NXN: variants seen among roughly 807,000 people sequenced by gnomAD.
The protein encoded by NXN is nucleoredoxin 1.
A neutral mutation model predicts 48.6 loss-of-function variants in NXN; 16 were observed. The ratio of observed to expected loss-of-function variants is 0.33; its 90% CI spans 0.22 to 0.50. The LOEUF is 0.50. NXN is among the 20% of genes least tolerant of loss of function. The pLI is 0.98. For missense variants in NXN, 492 were observed against 605.5 expected, an observed-to-expected ratio of 0.81 and a Z score of 1.97; for synonymous variants, 281 against 269.6, an observed-to-expected ratio of 1.04 and a Z score of -0.41.
chr17:839,116 G>A (rs1206296382), intron 1 of NXN, among the ~76,000 whole-genome samples: 3 of 152,150 alleles, frequency 2.0e-5, no homozygotes, highest in African/African-American at 4.8e-5. Flanking sequence ...ATGCACGTGC[G>A]GTGCTGACAA....
At chr17:893,843 ATCTC>A (rs2144876661) in intron 1 of NXN, among the ~76,000 whole-genome samples, 3 of 44,894 alleles carry the variant, frequency 6.7e-5, no homozygotes, top group Non-Finnish European at 1.1e-4. Context: ...CAGAGGAAGC[ATCTC>A]AACTCCCTGG....
chr17:948,681 G>C (rs1352189093), intron 1 of NXN, among the ~76,000 whole-genome samples: 1 of 151,976 alleles, frequency 6.6e-6, no homozygotes, highest in Non-Finnish European at 1.5e-5. Flanking sequence ...ACCTAAGACA[G>C]CTGGGTCCCA....
chr17:947,246 C>T (rs2069053679), intron 1 of NXN, among the ~76,000 whole-genome samples: 2 of 152,130 alleles, frequency 1.3e-5, no homozygotes, highest in South Asian at 4.1e-4. Flanking sequence ...AGGTCACAAG[C>T]GTGACGGGGA....
intron 1 of NXN, among the ~76,000 whole-genome samples, chr17:925,812 G>A (rs1163748912): frequency 6.6e-6 from 1 of 152,154 alleles, no homozygotes; most frequent in Admixed American, 6.6e-5. Flanking sequence ...CTGCTAAAAT[G>A]CTCACGAACG....
At chr17:863,028 G>GTA (rs1258955752) in intron 1 of NXN, among the ~76,000 whole-genome samples, 6 of 152,144 alleles carry the variant, frequency 3.9e-5, no homozygotes, top group Non-Finnish European at 8.8e-5. Flanking sequence ...ATGCCCCACA[G>GTA]TATACTCAGG....
Position 826,004 on chromosome 17 carries a change from A to C in NXN, c.435T>G (p.Val145=). The change falls in exon 2 of 8, where the codon GTT becomes GTG. Residue 145 remains valine (V), a synonymous_variant. Transcript: ENST00000336868. The part of the protein sequence containing the change: ...LIFLDATTGK[V]VCRNGLLVIR... ...TCACCAGCAGCCCGTTCCTGCACAC[A>C]ACCTTCCCAGTGGTGGCGTCGAGGA... is the stretch of plus-strand genomic sequence containing the variant. 6.2e-7 allele frequency: 1 copy of C among 1,614,020 alleles called. No individual in the cohort carries two copies. Among genetic ancestry groups the C allele is most frequent in the East Asian group, 2.2e-5 (1 of 44,880 alleles).
chr17:976,590 G>A (rs2069461350), intron 1 of NXN, among the ~76,000 whole-genome samples: 1 of 152,118 alleles, frequency 6.6e-6, no homozygotes, highest in South Asian at 2.1e-4. Context: ...CACAAGACGT[G>A]TTCACCCATC....
intron 5 of NXN, among the ~76,000 whole-genome samples, chr17:812,833 TGTGA>T (rs1912202343): frequency 6.7e-6 from 1 of 149,552 alleles, no homozygotes; most frequent in Admixed American, 6.7e-5. Context: ...AGTGTGCATG[TGTGA>T]GTGTAGGTGT....
intron 5 of NXN, among the ~76,000 whole-genome samples, chr17:808,281 T>C (rs1209075157): frequency 1.3e-5 from 2 of 151,010 alleles, no homozygotes; most frequent in Non-Finnish European, 2.9e-5. Flanking sequence ...CCCCAGCCCT[T>C]GAAGCAGGTT....
At chr17:836,824 G>A (rs1913849510) in intron 1 of NXN, among the ~76,000 whole-genome samples, 1 of 152,148 alleles carries the variant, frequency 6.6e-6, no homozygotes, top group Non-Finnish European at 1.5e-5. Flanking sequence ...CGCTGACACA[G>A]ACAATGGGTC....
chr17:835,649 C>T (rs1227888108), intron 1 of NXN, among the ~76,000 whole-genome samples: 7 of 152,084 alleles, frequency 4.6e-5, no homozygotes, highest in Non-Finnish European at 8.8e-5. Flanking sequence ...AACCGGGAAA[C>T]GGTAAAAATG....
At chr17:963,879 C>T (rs1275041255) in intron 1 of NXN, among the ~76,000 whole-genome samples, 1 of 151,884 alleles carries the variant, frequency 6.6e-6, no homozygotes, top group Non-Finnish European at 1.5e-5. Context: ...AGATCGAGAC[C>T]ATCGTGGCTA....
intron 5 of NXN, among the ~76,000 whole-genome samples, chr17:818,574 C>T (rs908568543): frequency 1.3e-5 from 2 of 152,214 alleles, no homozygotes; most frequent in Middle Eastern, 3.4e-3. Context: ...GGCTGTGCTC[C>T]GTGTCCCAAT....
At position 917,308 on chromosome 17, in the gene NXN, A is replaced by AT. The variant is rs1008021608; in HGVS notation, c.360+62010dup. 5.9e-5 allele frequency among the ~76,000 whole-genome samples: 9 copies of AT among 152,228 alleles called. No homozygotes were observed. Among genetic ancestry groups the AT allele is most frequent in the African/African-American group, 1.7e-4 (7 of 41,558 alleles). ...AGGCGCCCGCCACCATGCCCAGCTA[A>AT]TTTTTTGTATTTTTAGTAGAGACGG... is the stretch of plus-strand genomic sequence containing the variant. On this transcript the variant is annotated intron_variant, in intron 1 of 7. Transcript: ENST00000336868. This position sits in a 1 kb window ranked among gnomAD's most constrained non-coding sequence, Gnocchi z 4.5.
chr17:899,254 C>T (rs560231826), intron 1 of NXN, among the ~76,000 whole-genome samples: 50 of 152,216 alleles, frequency 3.3e-4, no homozygotes, highest in African/African-American at 1.2e-3. Flanking sequence ...CACCGCACCC[C>T]GGCCTGTGCA....
At chr17:933,003 C>A (rs2068870792) in intron 1 of NXN, among the ~76,000 whole-genome samples, 1 of 152,090 alleles carries the variant, frequency 6.6e-6, no homozygotes, top group South Asian at 2.1e-4. Flanking sequence ...TTGTAATATC[C>A]CTTCCCACTA....
At chr17:901,761 G>A (rs376993703) in intron 1 of NXN, among the ~76,000 whole-genome samples, 5 of 152,048 alleles carry the variant, frequency 3.3e-5, no homozygotes, top group Non-Finnish European at 5.9e-5. Context: ...GTGCAGTGGC[G>A]CAATCTCAGC....
At chr17:927,832 G>A (rs1156404703) in intron 1 of NXN, among the ~76,000 whole-genome samples, 9 of 152,026 alleles carry the variant, frequency 5.9e-5, no homozygotes, top group Non-Finnish European at 7.4e-5. Flanking sequence ...AGAGACAGCC[G>A]TGCCCACTCG....
At chr17:872,880 C>T (rs1454117350) in intron 1 of NXN, among the ~76,000 whole-genome samples, 2 of 152,086 alleles carry the variant, frequency 1.3e-5, no homozygotes, top group African/African-American at 4.8e-5. Flanking sequence ...CTTGGCCTCC[C>T]AGTGTTGGGA....
Sources: gnomAD v4.1 joint callset for allele counts (sites outside exome capture counted in the v4.1 genomes callset) on GRCh38, gnomAD v4.1.1 for gene constraint, Gnocchi (gnomAD v3.1) non-coding constraint, MANE v1.5 for transcripts, NCBI Gene and HGNC (gene_info 2026-07-23, HGNC 2026-07-21) for gene names.